The following ANKRD30A variants were observed in gnomAD, a reference collection of about 807,000 sequenced individuals.
ANKRD30A encodes ankyrin repeat domain-containing protein 30A.
A neutral mutation model predicts 166.3 loss-of-function variants in ANKRD30A; 170 were observed. That is an observed-to-expected ratio of 1.02 (90% CI 0.90 to 1.16). The LOEUF is 1.16. Ranked by LOEUF, ANKRD30A falls within the 50% of genes most tolerant of loss-of-function variation. The pLI is 0.00. For missense variants in ANKRD30A, 1,630 were observed against 1,518.0 expected (o/e 1.07, Z -1.23); for synonymous variants, 564 against 508.9 (o/e 1.11, Z -1.46).
At chr10:37,205,257 T>C (rs1159029443) in intron 31 of ANKRD30A, among the ~76,000 whole-genome samples, 2 of 152,108 alleles carry the variant, frequency 1.3e-5, no homozygotes, top group African/African-American at 4.8e-5. Flanking sequence ...CACCATGGAA[T>C]TCTCTGCAGC....
At chr10:37,162,403 C>A (rs188973780) in intron 15 of ANKRD30A, among the ~76,000 whole-genome samples, 1 of 152,174 alleles carries the variant, frequency 6.6e-6, no homozygotes, top group Non-Finnish European at 1.5e-5. Context: ...ACCCTTTATA[C>A]ACATGAAACA....
intron 31 of ANKRD30A, among the ~76,000 whole-genome samples, chr10:37,206,980 T>C (rs1010532008): frequency 2.0e-5 from 3 of 152,264 alleles, no homozygotes; most frequent in Admixed American, 6.5e-5. Flanking sequence ...AATTAAGTTG[T>C]TGAATACATA....
chr10:37,215,842 C>G (rs1564582006), intron 31 of ANKRD30A, among the ~76,000 whole-genome samples: 1 of 151,454 alleles, frequency 6.6e-6, no homozygotes. Context: ...TCAACTGCTT[C>G]CTTTTCAATC....
intron 31 of ANKRD30A, among the ~76,000 whole-genome samples, chr10:37,212,494 T>C (rs1842391418): frequency 6.6e-6 from 1 of 152,070 alleles, no homozygotes; most frequent in South Asian, 2.1e-4. Context: ...ACCAATGACC[T>C]TCTTCACAGA....
the ANKRD30A span, among the ~76,000 whole-genome samples, chr10:37,245,883 G>T: frequency 6.6e-6 from 1 of 152,128 alleles, no homozygotes; most frequent in Non-Finnish European, 1.5e-5. Context: ...CCTAAATGTT[G>T]CCTACAGTTC....
chr10:37,154,322 A>G (rs1838194560), intron 13 of ANKRD30A, among the ~76,000 whole-genome samples: 1 of 152,220 alleles, frequency 6.6e-6, no homozygotes, highest in Admixed American at 6.5e-5. Flanking sequence ...CTTGTTAACA[A>G]TTCACACTGA....
At chr10:37,206,205 G>A (rs888703752) in intron 31 of ANKRD30A, among the ~76,000 whole-genome samples, 2 of 152,176 alleles carry the variant, frequency 1.3e-5, no homozygotes, top group Admixed American at 6.5e-5. Context: ...GAAGTGGGAG[G>A]GGGGAAGAAG....
At chr10:37,208,704 C>T (rs557235708) in intron 31 of ANKRD30A, among the ~76,000 whole-genome samples, 2 of 152,212 alleles carry the variant, frequency 1.3e-5, no homozygotes, top group East Asian at 1.9e-4. Context: ...AGGCTGACTC[C>T]CCTGACAGCA....
In ANKRD30A at chr10:37,201,256, C is replaced by G. The variant is rs1281024911; in HGVS notation, c.2800C>G (p.Gln934Glu). Residue 934 changes from glutamine to glutamate, a missense_variant, in exon 31 of 36, where the codon CAG becomes GAG. This residue lies in a region of ANKRD30A where 712 missense variants were observed against 629.3 expected (regional missense o/e 1.13). Transcript: ENST00000361713. ...DSESLRETVS[Q>E]KDVCVPKATH... The stretch of plus-strand genomic sequence containing the variant: ...ACAGAGTCTCCGTGAGACTGTTTCA[C>G]AGAAGGATGTGTGTGTACCCAAGGC... 1 of 1,585,614 alleles carries G rather than the reference C, an allele frequency of 6.3e-7. No homozygotes were observed.
intron 26 of ANKRD30A, 23 bp downstream of exon 26, chr10:37,193,115 C>G: frequency 6.2e-7 from 1 of 1,604,836 alleles, no homozygotes; most frequent in Non-Finnish European, 8.5e-7. Flanking sequence ...ATATTTTTAT[C>G]TTGAGTATTA....
chr10:37,221,044 A>AT (rs35150938), intron 34 of ANKRD30A, among the ~76,000 whole-genome samples: 29,640 of 130,960 alleles, frequency 0.23, 3,375 homozygotes, highest in Admixed American at 0.27. Flanking sequence ...TCCTTCCCAC[A>AT]TTTTTTTTTT....
chr10:37,201,683 A>T (rs1841637184), intron 31 of ANKRD30A, among the ~76,000 whole-genome samples: 1 of 152,114 alleles, frequency 6.6e-6, no homozygotes. Flanking sequence ...GGATGATGAA[A>T]TGATTGTTTA....
chr10:37,216,095 C>A, intron 31 of ANKRD30A, 86 bp from the exon 32 acceptor site: 5 of 860,124 alleles, frequency 5.8e-6, no homozygotes, highest in East Asian at 5.5e-5. Context: ...TATATTTGTT[C>A]AGTGTATAAG....
chr10:37,228,959 G>A (rs1003530875), intron 34 of ANKRD30A, among the ~76,000 whole-genome samples: 4 of 151,862 alleles, frequency 2.6e-5, no homozygotes, highest in African/African-American at 4.8e-5. Context: ...GGAAAAGCTC[G>A]GCCAGGACAG....
chr10:37,219,593 A>T lies in ANKRD30A; in HGVS notation c.3881A>T (p.Gln1294Leu). Residue 1294 changes from glutamine to leucine, a missense_variant, in exon 34 of 36, where the codon CAA becomes CTA. Physicochemically the swap from Gln to Leu is moderately radical, Grantham distance 113 (BLOSUM62 -2). Around this residue, in one of 4 missense-constraint regions of ANKRD30A, gnomAD observed 712 missense variants for 629.3 expected, o/e 1.13. Coordinates refer to ENST00000361713, the MANE Select transcript of ANKRD30A (RefSeq NM_052997.3). ...AQRDQRETQC[Q>L]MKEAEHMYQN... is the part of the protein sequence containing the mutation. Reference sequence around the variant, plus strand: ...AGAGACCAACGTGAAACACAGTGTCAAATGAAGGAAGCTGAACACATGTAT... The same window carrying T: ...AGAGACCAACGTGAAACACAGTGTCTAATGAAGGAAGCTGAACACATGTAT... The T allele has an allele frequency of 6.2e-7, 1 of 1,610,414 alleles. No individual in the cohort carries two copies. The highest frequency in any genetic ancestry group is 8.5e-7 in the Non-Finnish European group (1 of 1,177,730).
chr10:37,193,922 C>T (rs774438960), intron 27 of ANKRD30A, among the ~76,000 whole-genome samples: 4 of 152,092 alleles, frequency 2.6e-5, no homozygotes, highest in South Asian at 4.2e-4. Flanking sequence ...AGGCCGTGCA[C>T]GGTGGCACGT....
chr10:37,192,462 C>CA (rs1279009621), intron 25 of ANKRD30A, among the ~76,000 whole-genome samples: 3 of 151,816 alleles, frequency 2.0e-5, no homozygotes, highest in Non-Finnish European at 4.4e-5. Flanking sequence ...CTCAGAGGTA[C>CA]AAAAATGAAT....
chr10:37,142,255 C>T lies in ANKRD30A; in HGVS notation c.1358C>T (p.Pro453Leu), dbSNP rs573771342. The T allele has an allele frequency of 6.3e-7, 1 of 1,598,814 alleles. No homozygotes were observed. Among genetic ancestry groups the T allele is most frequent in the South Asian group, 1.1e-5 (1 of 87,086 alleles). ...EKGRSKMIAC[P>L]TKESSTKASA... ...GGAAGATCTAAGATGATTGCATGTCCTACAAAAGAATCATCTACAAAAGCA... is the reference window on the plus strand; with the variant it reads ...GGAAGATCTAAGATGATTGCATGTCTTACAAAAGAATCATCTACAAAAGCA... Residue 453 changes from proline (P) to leucine (L), a missense_variant, in exon 7 of 36, where the codon CCT becomes CTT. Pro to Leu is a moderately conservative substitution (Grantham distance 98, BLOSUM62 -3). Around this residue, in one of 4 missense-constraint regions of ANKRD30A, gnomAD observed 904 missense variants for 818.5 expected, o/e 1.10. Coordinates refer to ENST00000361713, the MANE Select transcript of ANKRD30A (RefSeq NM_052997.3).
At chr10:37,178,593 A>T in intron 24 of ANKRD30A, 1 of 977,162 alleles carries the variant, frequency 1.0e-6, no homozygotes, top group Non-Finnish European at 1.2e-6. Context: ...TCAGGAGAAA[A>T]CATCATGGTC....
Sources: gnomAD v4.1 joint callset for allele counts (sites outside exome capture counted in the v4.1 genomes callset) on GRCh38, gnomAD v4.1.1 for gene constraint, gnomAD v4.1.1 regional missense constraint, MANE v1.5 for transcripts, NCBI Gene and HGNC (gene_info 2026-07-23, HGNC 2026-07-21) for gene names.